RRBP1: variants seen among roughly 807,000 people sequenced by gnomAD.
The protein encoded by RRBP1 is ribosome-binding protein 1.
In RRBP1, 94 loss-of-function variants were observed where a neutral mutation model predicts 165.2. That is an observed-to-expected ratio of 0.57 (90% CI 0.48 to 0.68). The LOEUF is 0.68. Ranked by LOEUF, RRBP1 falls within the 30% of genes least tolerant of loss-of-function variation. The pLI, the probability that RRBP1 is intolerant of heterozygous loss-of-function variation, is 0.00. For missense variants in RRBP1, 1,676 were observed against 1,763.0 expected, an observed-to-expected ratio of 0.95 and a Z score of 0.88; for synonymous variants, 680 against 714.5, an observed-to-expected ratio of 0.95 and a Z score of 0.77.
At chr20:17,619,965 G>A (rs15977) in intron 18 of RRBP1, 113 of 544,256 alleles carry the variant, frequency 2.1e-4, no homozygotes, top group African/African-American at 1.6e-3. Context: ...ACTTGCAAAA[G>A]CAGGTACCAA....
At chr20:17,620,665 TG>T in intron 17 of RRBP1, 49 bp downstream of exon 17, 1 of 1,396,092 alleles carries the variant, frequency 7.2e-7, no homozygotes, top group Non-Finnish European at 1.0e-6. Flanking sequence ...AACTCTCCCC[TG>T]GGCTTCATGT....
chr20:17,634,889 T>C (rs1381286601), intron 7 of RRBP1, among the ~76,000 whole-genome samples: 1 of 152,142 alleles, frequency 6.6e-6, no homozygotes, highest in Non-Finnish European at 1.5e-5. Flanking sequence ...CCCCTCCCTG[T>C]CCAGCTCCCA....
At position 17,641,869 on chromosome 20, in the gene RRBP1, C is replaced by T. The variant is rs780499317; in HGVS notation, c.2112G>A (p.Glu704=). The T allele has an allele frequency of 6.2e-7, 1 of 1,614,154 alleles. No homozygotes were observed. The highest frequency in any genetic ancestry group is 8.5e-7 in the Non-Finnish European group (1 of 1,180,006). Reference sequence around the variant, plus strand: ...GTTCTGTGGCCAGCAGTTTTTCCTTCTCTTCCAGCTGGCGTTTCAGAATCG... The same window carrying T: ...GTTCTGTGGCCAGCAGTTTTTCCTTTTCTTCCAGCTGGCGTTTCAGAATCG... ...PVAILKRQLE[E]KEKLLATEQE... Residue 704 remains glutamate, a synonymous_variant, in exon 5 of 25, where the codon GAG becomes GAA. Coordinates refer to ENST00000377813, the MANE Select transcript of RRBP1 (RefSeq NM_001365613.2).
intron 20 of RRBP1, among the ~76,000 whole-genome samples, chr20:17,617,370 G>A (rs2035821477): frequency 6.6e-6 from 1 of 152,224 alleles, no homozygotes; most frequent in South Asian, 2.1e-4. Context: ...TCACTCGAGA[G>A]GCTCAGGTAG....
chr20:17,641,613 G>T, intron 5 of RRBP1, 184 bp downstream of exon 5: 1 of 702,462 alleles, frequency 1.4e-6, no homozygotes, highest in Non-Finnish European at 2.4e-6. Context: ...ACTGCCAAGG[G>T]TGAGCTGCCG....
chr20:17,615,785 A>T, intron 22 of RRBP1, 141 bp downstream of exon 22: 1 of 753,146 alleles, frequency 1.3e-6, no homozygotes, highest in Non-Finnish European at 2.1e-6. Context: ...CCCGGGCCCC[A>T]CCCACTGCTG....
At chr20:17,679,842 T>C (rs2037146148) in intron 2 of RRBP1, among the ~76,000 whole-genome samples, 157 bp downstream of exon 2, 2 of 152,100 alleles carry the variant, frequency 1.3e-5, no homozygotes, top group South Asian at 2.1e-4. Flanking sequence ...AAGGTGAGAG[T>C]TGTTATAGTG....
At chr20:17,642,906 C>A in intron 4 of RRBP1, 73 bp downstream of exon 4, 1 of 1,497,132 alleles carries the variant, frequency 6.7e-7, no homozygotes. Context: ...CTCTCTGTGG[C>A]AGAGGGAAGG....
rs556184844 is a variant in RRBP1, at chr20:17,668,761, CT to C, written c.-21-8234del. The stretch of plus-strand genomic sequence containing the variant: ...AGTCTCAGACAAAATCCCATTCCCC[CT>C]GGACATTAAAGCCAAAGACTCAGAT... On this transcript the variant is annotated intron_variant, in intron 2 of 24. Transcript: ENST00000377813. 9.5e-4 allele frequency among the ~76,000 whole-genome samples: 145 copies of C among 152,314 alleles called. 1 individual carries two copies. The highest frequency in any genetic ancestry group is 3.4e-3 in the African/African-American group (141 of 41,566).
intron 5 of RRBP1, among the ~76,000 whole-genome samples, chr20:17,640,100 T>A (rs925420748): frequency 6.6e-6 from 1 of 152,182 alleles, no homozygotes; most frequent in African/African-American, 2.4e-5. Flanking sequence ...CAGTGGCCAC[T>A]TGATCACTGG....
In RRBP1 at chr20:17,643,685, C is replaced by T. The variant is rs1402699895; in HGVS notation, c.1913-558G>A. Among the ~76,000 whole-genome samples the T allele has an allele frequency of 6.6e-6, 1 of 152,126 alleles. No individual in the cohort carries two copies. The highest frequency in any genetic ancestry group is 1.5e-5 in the Non-Finnish European group (1 of 68,030). ...CTGCTTCCACACATCAGTGCAAACCCTATTTCTAGCTCCCTGGATGAAGCC... is the reference window on the plus strand; with the variant it reads ...CTGCTTCCACACATCAGTGCAAACCTTATTTCTAGCTCCCTGGATGAAGCC... On this transcript the variant is annotated intron_variant, in intron 3 of 24. Transcript: ENST00000377813. The surrounding 1 kb of genome is among the most constrained non-coding windows in gnomAD (Gnocchi z 4.3).
chr20:17,629,880 G>A lies in RRBP1; in HGVS notation c.2692C>T (p.His898Tyr). ...SRELCHTQSS[H>Y]ASLRADAEKA... ...TCGGCATCCGCCCGGAGGCTGGCGT[G>A]GCTGCTCTGCGTGTGGCACAGCTCC... The change falls in exon 9 of 25, where the codon CAC becomes TAC. Residue 898 changes from histidine to tyrosine, a missense_variant. Coordinates refer to ENST00000377813, the MANE Select transcript of RRBP1 (RefSeq NM_001365613.2). 2 of 1,600,368 alleles carry A rather than the reference G, an allele frequency of 1.2e-6. No individual in the cohort carries two copies. The highest frequency in any genetic ancestry group is 2.2e-5 in the East Asian group (1 of 44,858).
chr20:17,625,696 G>C, intron 11 of RRBP1, 94 bp from the exon 12 acceptor site: 2 of 1,043,826 alleles, frequency 1.9e-6, no homozygotes, highest in Non-Finnish European at 2.9e-6. Flanking sequence ...GAGTACCTTC[G>C]AGGCTGAACC....
intron 5 of RRBP1, among the ~76,000 whole-genome samples, chr20:17,639,894 C>CCA (rs2036318577): frequency 1.0e-5 from 1 of 98,794 alleles, no homozygotes; most frequent in Non-Finnish European, 2.0e-5. Context: ...ACTCCAGTCT[C>CCA]AAAAAAAAAA....
At chr20:17,618,574 T>C (rs1394654413) in intron 20 of RRBP1, 22 bp downstream of exon 20, 1 of 1,594,732 alleles carries the variant, frequency 6.3e-7, no homozygotes, top group Non-Finnish European at 8.6e-7. Context: ...ACTCCTGGCA[T>C]GGGGACATGG....
chr20:17,617,571 G>T (rs551997190), intron 20 of RRBP1, among the ~76,000 whole-genome samples: 1 of 152,352 alleles, frequency 6.6e-6, no homozygotes, highest in East Asian at 1.9e-4. Flanking sequence ...ACTCCAGGGG[G>T]TTTTCTCTGC....
chr20:17,636,805 C>T, intron 5 of RRBP1, 76 bp from the exon 6 acceptor site: 1 of 1,571,254 alleles, frequency 6.4e-7, no homozygotes, highest in South Asian at 1.1e-5. Context: ...GCAAGAGCAT[C>T]ACCCGAGCTG....
chr20:17,632,696 G>GT (rs2036174290), intron 8 of RRBP1, among the ~76,000 whole-genome samples: 1 of 152,080 alleles, frequency 6.6e-6, no homozygotes, highest in South Asian at 2.1e-4. Flanking sequence ...TTAAACCCAA[G>GT]TGGGCATGAC....
chr20:17,649,823 GAC>G lies in RRBP1; in HGVS notation c.1913-6698_1913-6697del, dbSNP rs2036525078. Among the ~76,000 whole-genome samples, 3 of 152,174 alleles carry G rather than the reference GAC, an allele frequency of 2.0e-5. No individual in the cohort carries two copies. The South Asian group carries it at 6.2e-4, about 32-fold the overall frequency. On this transcript the variant is annotated intron_variant, in intron 3 of 24. Transcript: ENST00000377813. ...ATGGGGGCTCAGCGAGACTGCACAC[GAC>G]ACAGAGCTCACAGGCCCCCTCCCAC...
Sources: allele counts gnomAD v4.1 joint callset (sites outside exome capture counted in the v4.1 genomes callset), GRCh38; gene constraint gnomAD v4.1.1; non-coding constraint Gnocchi (gnomAD v3.1); transcripts MANE v1.5; gene names NCBI Gene and HGNC (gene_info 2026-07-23, HGNC 2026-07-21).